PAK3: variants seen among roughly 807,000 people sequenced by gnomAD.
PAK3 encodes p21 (RAC1) activated kinase 3.
PAK3 carries 4 observed loss-of-function variants against 41.0 expected under a neutral mutation model. The observed-to-expected ratio is 0.10, with a 90% CI of 0.05 to 0.22. PAK3 has a LOEUF of 0.22. Ranked by LOEUF, PAK3 falls within the 10% of genes least tolerant of loss-of-function variation. PAK3 has a pLI of 1.00. For missense variants in PAK3, 205 were observed against 409.9 expected (o/e 0.50, Z 4.32); for synonymous variants, 146 against 139.6 (o/e 1.05, Z -0.32).
Position 111,126,343 on chromosome X carries a change from C to T in PAK3, c.175+3065C>T, listed in dbSNP as rs147292259. On this transcript the variant is annotated intron_variant, in intron 5 of 17. Transcript: ENST00000372007. ...CAGTTTACTTGAGACCTCATTTTTGCCCATTTTTTTCCTTCCCGATATCAT... is the reference window on the plus strand; with the variant it reads ...CAGTTTACTTGAGACCTCATTTTTGTCCATTTTTTTCCTTCCCGATATCAT... Among the ~76,000 whole-genome samples the T allele has an allele frequency of 8.1e-5, 9 of 111,313 alleles. No individual in the cohort carries two copies. In the East Asian group the frequency reaches 2.5e-3, roughly 32 times the overall value.
At chrX:110,994,866 C>A (rs2091713681) in intron 1 of PAK3, among the ~76,000 whole-genome samples, 1 of 111,760 alleles carries the variant, frequency 8.9e-6, no homozygotes, top group Admixed American at 9.5e-5. Flanking sequence ...CCTGGCTTAA[C>A]AAACGTTTGC....
intron 8 of PAK3, among the ~76,000 whole-genome samples, chrX:111,157,831 C>G (rs761557864): frequency 3.6e-5 from 4 of 110,948 alleles, no homozygotes; most frequent in Non-Finnish European, 7.6e-5. Flanking sequence ...CATTCTCTGC[C>G]CCAATGTCTA....
At chrX:111,211,710 T>C (rs1216266711) in intron 16 of PAK3, among the ~76,000 whole-genome samples, 2 of 109,314 alleles carry the variant, frequency 1.8e-5, no homozygotes, top group African/African-American at 6.7e-5. Flanking sequence ...ATGTATGTGT[T>C]GGGGAGAGTC....
chrX:111,077,604 A>G (rs1327553053), intron 1 of PAK3, among the ~76,000 whole-genome samples: 1 of 112,084 alleles, frequency 8.9e-6, no homozygotes, highest in Non-Finnish European at 1.9e-5. Flanking sequence ...CTTGATATCC[A>G]CAGGCAGAAG....
In PAK3 at chrX:111,123,198, C is replaced by A; in HGVS notation, c.95C>A (p.Ser32Tyr). 1 of 1,206,430 alleles carries A rather than the reference C, an allele frequency of 8.3e-7. No homozygotes were observed. The change falls in exon 5 of 18, where the codon TCC becomes TAC. Residue 32 changes from serine (S) to tyrosine (Y), a missense_variant. Around this residue, in one of 5 missense-constraint regions of PAK3, gnomAD observed 26 missense variants for 27.4 expected, o/e 0.95. Coordinates refer to ENST00000372007, the MANE Select transcript of PAK3 (RefSeq NM_002578.5). The stretch of plus-strand genomic sequence containing the variant: ...GATTCTTCAGCACTCAACCACAGCT[C>A]CAAACCACTTCCCATGGCCCCTGAA... ...NRDSSALNHS[S>Y]KPLPMAPEEK...
intron 1 of PAK3, among the ~76,000 whole-genome samples, chrX:110,981,771 T>C (rs754088719): frequency 8.9e-5 from 10 of 111,813 alleles, no homozygotes; most frequent in African/African-American, 3.3e-4. Context: ...ACTGTGCCTG[T>C]ACTTCTGACC....
intron 1 of PAK3, among the ~76,000 whole-genome samples, chrX:110,987,218 T>C (rs1241674843): frequency 1.8e-5 from 2 of 112,491 alleles, no homozygotes; most frequent in Non-Finnish European, 3.8e-5. Flanking sequence ...ATTATTTTTC[T>C]TTGAAGCATA....
intron 1 of PAK3, among the ~76,000 whole-genome samples, chrX:110,976,905 C>T (rs2091345564): frequency 1.0e-5 from 1 of 100,029 alleles, no homozygotes; most frequent in African/African-American, 3.8e-5. Flanking sequence ...GGGAATTGAA[C>T]AATGAGATCA....
chrX:111,020,000 T>C (rs2092153286), intron 1 of PAK3, among the ~76,000 whole-genome samples: 1 of 111,493 alleles, frequency 9.0e-6, no homozygotes, highest in African/African-American at 3.3e-5. Context: ...CTATGGAAAA[T>C]GGTATGATAA....
chrX:111,218,809 A>T (rs2094903181), intron 17 of PAK3, among the ~76,000 whole-genome samples: 1 of 111,252 alleles, frequency 9.0e-6, no homozygotes, highest in African/African-American at 3.3e-5. Context: ...AAGAATTAGC[A>T]ACAGGAAAAA....
intron 1 of PAK3, among the ~76,000 whole-genome samples, chrX:111,005,469 G>C (rs2091909269): frequency 8.9e-6 from 1 of 111,859 alleles, no homozygotes; most frequent in Non-Finnish European, 1.9e-5. Flanking sequence ...CCTGGGATTA[G>C]CTGGCTGGTG....
intron 1 of PAK3, among the ~76,000 whole-genome samples, chrX:110,974,577 A>T (rs2091286245): frequency 8.9e-6 from 1 of 112,130 alleles, no homozygotes; most frequent in Admixed American, 9.4e-5. Flanking sequence ...TCCAATGAAT[A>T]GAAAAAGAGA....
chrX:111,207,034 A>G, intron 16 of PAK3, among the ~76,000 whole-genome samples: 1 of 109,797 alleles, frequency 9.1e-6, no homozygotes, highest in Non-Finnish European at 1.9e-5. Flanking sequence ...GCAGGCAACA[A>G]CCAGCTGCAT....
At chrX:111,216,126 C>T (rs2094877109) in intron 16 of PAK3, among the ~76,000 whole-genome samples, 1 of 112,087 alleles carries the variant, frequency 8.9e-6, no homozygotes, top group Admixed American at 9.5e-5. Context: ...TTTCTAGATA[C>T]TTAATCACAT....
chrX:111,207,817 CAG>C (rs1434663564), intron 16 of PAK3, among the ~76,000 whole-genome samples: 9 of 111,901 alleles, frequency 8.0e-5, no homozygotes, highest in African/African-American at 2.3e-4. Context: ...TGTTTTGAGA[CAG>C]AGTCTCACTT....
intron 8 of PAK3, among the ~76,000 whole-genome samples, chrX:111,160,930 G>A (rs1490693912): frequency 9.0e-6 from 1 of 111,723 alleles, no homozygotes; most frequent in Non-Finnish European, 1.9e-5. Flanking sequence ...AAACATACGT[G>A]TGCATGTGTC....
intron 1 of PAK3, among the ~76,000 whole-genome samples, chrX:110,968,321 C>T (rs944761893): frequency 8.9e-6 from 1 of 112,524 alleles, no homozygotes; most frequent in Non-Finnish European, 1.9e-5. Context: ...TGGACAAAAG[C>T]TTTCATCTCT....
intron 10 of PAK3, among the ~76,000 whole-genome samples, chrX:111,165,969 T>TG (rs1434365996): frequency 9.0e-6 from 1 of 110,793 alleles, no homozygotes; most frequent in Non-Finnish European, 1.9e-5. Flanking sequence ...AAGAATTCAG[T>TG]GGGGTTTTTT....
intron 1 of PAK3, among the ~76,000 whole-genome samples, chrX:110,955,132 C>G (rs781221538): frequency 8.9e-6 from 1 of 112,194 alleles, no homozygotes; most frequent in African/African-American, 3.2e-5. Flanking sequence ...ACGACTGATA[C>G]GATTCAAACT....
Sources: allele counts gnomAD v4.1 joint callset (sites outside exome capture counted in the v4.1 genomes callset), GRCh38; gene constraint gnomAD v4.1.1; regional missense constraint gnomAD v4.1.1; transcripts MANE v1.5; gene names NCBI Gene and HGNC (gene_info 2026-07-23, HGNC 2026-07-21).